Variants in CTNNA2 observed in about 807,000 individuals in gnomAD.
CTNNA2 encodes catenin alpha 2.
Under a neutral mutation model 101.0 loss-of-function variants are expected in CTNNA2, and 42 were observed. The observed-to-expected ratio is 0.42, with a 90% CI of 0.32 to 0.54. CTNNA2 has a LOEUF of 0.54. Ranked by LOEUF, CTNNA2 falls within the 20% of genes least tolerant of loss-of-function variation. The pLI, the probability that CTNNA2 is intolerant of heterozygous loss-of-function variation, is 0.14. For synonymous variants in CTNNA2, 450 were observed against 456.4 expected, an observed-to-expected ratio of 0.99 and a Z score of 0.18; for missense variants, 871 against 1,223.1, an observed-to-expected ratio of 0.71 and a Z score of 4.29.
chr2:80,598,743 G>C (rs1697206025), intron 15 of CTNNA2, among the ~76,000 whole-genome samples: 1 of 152,162 alleles, frequency 6.6e-6, no homozygotes, highest in Non-Finnish European at 1.5e-5. Context: ...TAAACCTTTA[G>C]ATAATTATGC....
At chr2:79,404,483 A>T (rs1016339069) in intron 4 of CTNNA2, among the ~76,000 whole-genome samples, 8 of 152,054 alleles carry the variant, frequency 5.3e-5, no homozygotes, top group African/African-American at 1.7e-4. Context: ...TACAAATTTC[A>T]TGCATGGACA....
chr2:79,557,181 A>G (rs905636015), intron 1 of CTNNA2, among the ~76,000 whole-genome samples: 2 of 152,042 alleles, frequency 1.3e-5, no homozygotes, highest in Non-Finnish European at 2.9e-5. Flanking sequence ...ATAGCCCTCA[A>G]TACATAAAAT....
At chr2:79,828,532 T>C (rs1240664872) in intron 3 of CTNNA2, among the ~76,000 whole-genome samples, 1 of 152,180 alleles carries the variant, frequency 6.6e-6, no homozygotes, top group East Asian at 1.9e-4. Flanking sequence ...AAAGAAAGAA[T>C]ACTGGAAAAA....
At chr2:80,404,929 A>G (rs1678925393) in intron 8 of CTNNA2, among the ~76,000 whole-genome samples, 1 of 152,224 alleles carries the variant, frequency 6.6e-6, no homozygotes, top group East Asian at 1.9e-4. Context: ...CCCCAGATAA[A>G]AAATTCAGTA....
intron 3 of CTNNA2, among the ~76,000 whole-genome samples, chr2:79,373,213 T>A (rs929174964): frequency 1.1e-4 from 17 of 152,238 alleles, no homozygotes; most frequent in Non-Finnish European, 2.4e-4. Context: ...TGATACCTTC[T>A]GGCTAAAGAT....
In CTNNA2 at chr2:80,418,471, A is replaced by G. The variant is rs75482830; in HGVS notation, c.1138-978A>G. Among the ~76,000 whole-genome samples, 530 of 152,328 alleles carry G rather than the reference A, an allele frequency of 3.5e-3. 4 individuals are homozygous for G. Among genetic ancestry groups the G allele is most frequent in the African/African-American group, 0.012 (501 of 41,572 alleles). ...ATTACATTTTATAAGGTAAAATGTC[A>G]GACACAATTCAGAGTTAAACCAAAC... On this transcript the variant is annotated intron_variant, in intron 8 of 18. Coordinates refer to ENST00000402739, the MANE Select transcript of CTNNA2 (RefSeq NM_001282597.3).
intron 7 of CTNNA2, among the ~76,000 whole-genome samples, chr2:79,945,287 C>T (rs890273398): frequency 4.6e-5 from 7 of 152,140 alleles, no homozygotes; most frequent in Admixed American, 1.3e-4. Context: ...GCAATCCTCC[C>T]GCCTTGACCT....
chr2:80,292,196 A>G (rs1180017696), intron 7 of CTNNA2, among the ~76,000 whole-genome samples: 2 of 152,166 alleles, frequency 1.3e-5, no homozygotes, highest in African/African-American at 2.4e-5. Flanking sequence ...TACTTGCCAC[A>G]TGCCAGACAC....
chr2:80,425,857 A>G (rs968582739), intron 9 of CTNNA2, among the ~76,000 whole-genome samples: 1 of 152,180 alleles, frequency 6.6e-6, no homozygotes, highest in East Asian at 1.9e-4. Context: ...TATATATAAA[A>G]TATTAGTAAA....
chr2:79,948,962 C>T lies in CTNNA2; in HGVS notation c.1056+39165C>T, dbSNP rs556129905. ...CAGCCTGGGCGACAGAGCCAGACTC[C>T]GTCTCAAAAATAAATAAATAAATAA... On this transcript the variant is annotated intron_variant, in intron 7 of 18. Coordinates refer to ENST00000402739, the MANE Select transcript of CTNNA2 (RefSeq NM_001282597.3). Among the ~76,000 whole-genome samples the T allele has an allele frequency of 1.1e-4, 16 of 151,272 alleles. No individual in the cohort carries two copies. The South Asian group carries it at 1.7e-3, about 16-fold the overall frequency.
At chr2:79,413,924 G>T (rs1678447023) in intron 4 of CTNNA2, among the ~76,000 whole-genome samples, 1 of 131,048 alleles carries the variant, frequency 7.6e-6, no homozygotes, top group African/African-American at 2.8e-5. Flanking sequence ...TCTTACTATT[G>T]AGCTGAATTC....
In CTNNA2 at chr2:80,313,904, A is replaced by G. The variant is rs570326365; in HGVS notation, c.1057-79307A>G. On this transcript the variant is annotated intron_variant, in intron 7 of 18. Coordinates refer to ENST00000402739, the MANE Select transcript of CTNNA2 (RefSeq NM_001282597.3). Reference sequence around the variant, plus strand: ...TGGGCAGGGCAGCAGGTGCAATAATAGCTCTGCAGTGGATTGACAAACTTT... The same window carrying G: ...TGGGCAGGGCAGCAGGTGCAATAATGGCTCTGCAGTGGATTGACAAACTTT... 7.2e-5 allele frequency among the ~76,000 whole-genome samples: 11 copies of G among 152,340 alleles called. 1 individual carries two copies. The South Asian group carries it at 2.3e-3, about 32-fold the overall frequency.
Position 79,831,095 on chromosome 2 carries a change from C to G in CTNNA2, c.299-26918C>G, listed in dbSNP as rs867350384. On this transcript the variant is annotated intron_variant, in intron 3 of 18. Coordinates refer to ENST00000402739, the MANE Select transcript of CTNNA2 (RefSeq NM_001282597.3). ...AACCATAAATTACTGTCATTTTGAT[C>G]AATACAAACTTCGGCCAAATTACTA... 3.3e-5 allele frequency among the ~76,000 whole-genome samples: 5 copies of G among 151,816 alleles called. No individual in the cohort carries two copies. The South Asian group carries it at 1.0e-3, about 31-fold the overall frequency.
chr2:79,378,198 A>C (rs6733510), intron 4 of CTNNA2, among the ~76,000 whole-genome samples: 62,988 of 151,758 alleles, frequency 0.42, 13,297 homozygotes, highest in Non-Finnish European at 0.45. Context: ...AAAAGTTCCC[A>C]TTTTGTACTT....
intron 3 of CTNNA2, among the ~76,000 whole-genome samples, chr2:79,830,242 T>C (rs573808466): frequency 9.9e-4 from 150 of 152,164 alleles, no homozygotes; most frequent in African/African-American, 3.6e-3. Context: ...TGGCAGAGGA[T>C]GTAGAGTGCA....
chr2:79,958,699 T>C (rs917788915), intron 7 of CTNNA2, among the ~76,000 whole-genome samples: 1 of 152,246 alleles, frequency 6.6e-6, no homozygotes, highest in African/African-American at 2.4e-5. Context: ...ATTTGAGTCG[T>C]ATTAAGCAAC....
At chr2:80,027,666 A>G (rs1242918807) in intron 7 of CTNNA2, among the ~76,000 whole-genome samples, 2 of 152,072 alleles carry the variant, frequency 1.3e-5, no homozygotes, top group Non-Finnish European at 2.9e-5. Context: ...AGCCGTATAA[A>G]TCATTGTGGG....
In CTNNA2 at chr2:80,589,499, C is replaced by T. The variant is rs1696250213; in HGVS notation, c.2189+14C>T. On this transcript the variant is annotated intron_variant, in intron 15 of 18. Coordinates refer to ENST00000402739, the MANE Select transcript of CTNNA2 (RefSeq NM_001282597.3). Reference sequence around the variant, plus strand: ...AGACTTCACAAGGTGAGGCCCAGAGCCAGGGAGCTGAAGATTTTTTCATTA... The same window carrying T: ...AGACTTCACAAGGTGAGGCCCAGAGTCAGGGAGCTGAAGATTTTTTCATTA... 6.2e-7 allele frequency: 1 copy of T among 1,607,864 alleles called. No homozygotes were observed. The highest frequency in any genetic ancestry group is 1.3e-5 in the African/African-American group (1 of 74,686).
intron 2 of CTNNA2, among the ~76,000 whole-genome samples, chr2:79,291,794 C>G (rs988812713): frequency 1.3e-5 from 2 of 152,186 alleles, no homozygotes; most frequent in African/African-American, 2.4e-5. Context: ...CTGGCTGGTT[C>G]ATGTGTCAGT....
Sources: allele counts gnomAD v4.1 joint callset (sites outside exome capture counted in the v4.1 genomes callset), GRCh38; gene constraint gnomAD v4.1.1; transcripts MANE v1.5; gene names NCBI Gene and HGNC (gene_info 2026-07-23, HGNC 2026-07-21).